The following CADM1 variants were observed in gnomAD, a reference collection of about 807,000 sequenced individuals.
The protein encoded by CADM1 is cell adhesion molecule 1, also known as TSLC-1.
Under a neutral mutation model 53.1 loss-of-function variants are expected in CADM1, and 15 were observed. The ratio of observed to expected loss-of-function variants is 0.28; its 90% confidence interval spans 0.19 to 0.44. CADM1 has a LOEUF of 0.44. Ranked by LOEUF, CADM1 falls within the 20% of genes least tolerant of loss-of-function variation. The pLI is 1.00. For synonymous variants in CADM1, 281 were observed against 243.0 expected (o/e 1.16, Z -1.45); for missense variants, 434 against 611.3 (o/e 0.71, Z 3.06).
At chr11:115,455,893 C>A (rs1948673900) in intron 1 of CADM1, among the ~76,000 whole-genome samples, 1 of 152,108 alleles carries the variant, frequency 6.6e-6, no homozygotes, top group African/African-American at 2.4e-5. Context: ...CAATAACTGG[C>A]GGGATCCAGA....
chr11:115,401,808 C>T (rs919577635), intron 1 of CADM1, among the ~76,000 whole-genome samples: 29 of 152,070 alleles, frequency 1.9e-4, no homozygotes, highest in Admixed American at 1.6e-3. Flanking sequence ...TGGGTGATAA[C>T]GGTGTGTCAG....
At chr11:115,438,869 G>A (rs991070949) in intron 1 of CADM1, among the ~76,000 whole-genome samples, 5 of 152,020 alleles carry the variant, frequency 3.3e-5, no homozygotes, top group African/African-American at 9.7e-5. Context: ...TATATTAACC[G>A]AGAAGCTATC....
intron 1 of CADM1, among the ~76,000 whole-genome samples, chr11:115,416,790 G>A (rs1947610856): frequency 6.6e-6 from 1 of 151,778 alleles, no homozygotes; most frequent in Non-Finnish European, 1.5e-5. Flanking sequence ...GACATGACCA[G>A]CTAGTAAAAA....
At chr11:115,255,561 T>C (rs1213292165) in intron 1 of CADM1, among the ~76,000 whole-genome samples, 1 of 152,178 alleles carries the variant, frequency 6.6e-6, no homozygotes, top group Non-Finnish European at 1.5e-5. Context: ...ATCACAGTCA[T>C]AAACACAAGA....
chr11:115,292,551 G>A (rs1174884620), intron 1 of CADM1, among the ~76,000 whole-genome samples: 1 of 152,142 alleles, frequency 6.6e-6, no homozygotes, highest in Admixed American at 6.5e-5. Context: ...TTTCAAATTA[G>A]TAATAATTAA....
intron 1 of CADM1, among the ~76,000 whole-genome samples, chr11:115,284,114 C>CTCTCTCTCTCTGTG (rs1351842329): frequency 8.1e-5 from 8 of 98,690 alleles, no homozygotes; most frequent in African/African-American, 2.3e-4. Flanking sequence ...CTCTCTCTCT[C>CTCTCTCTCTCTGTG]TGTGTGTGTG....
At chr11:115,494,342 T>C (rs755801700) in intron 1 of CADM1, among the ~76,000 whole-genome samples, 7 of 152,138 alleles carry the variant, frequency 4.6e-5, no homozygotes, top group Non-Finnish European at 8.8e-5. Flanking sequence ...GATACTCAAT[T>C]TTAAAGTCAT....
At chr11:115,396,812 T>C (rs888370559) in intron 1 of CADM1, 4 of 152,064 alleles carry the variant, frequency 2.6e-5, no homozygotes, top group Non-Finnish European at 5.9e-5. Context: ...ATACTAAACA[T>C]TACTGGCCAA....
intron 1 of CADM1, among the ~76,000 whole-genome samples, chr11:115,258,380 C>T (rs1286348545): frequency 6.6e-6 from 1 of 152,166 alleles, no homozygotes. Flanking sequence ...AAGGTTACTG[C>T]CAGCAGATGC....
chr11:115,502,449 A>G (rs1949749805), intron 1 of CADM1, among the ~76,000 whole-genome samples: 1 of 148,540 alleles, frequency 6.7e-6, no homozygotes, highest in Admixed American at 6.9e-5. Flanking sequence ...GCTTTTTACA[A>G]TGCAGCAGCA....
intron 1 of CADM1, among the ~76,000 whole-genome samples, chr11:115,418,420 A>G (rs1412294443): frequency 6.6e-6 from 1 of 152,202 alleles, no homozygotes; most frequent in Admixed American, 6.5e-5. Context: ...AGAGATAAAT[A>G]TCAAACTACT....
At chr11:115,374,598 G>C (rs535190318) in intron 1 of CADM1, among the ~76,000 whole-genome samples, 1 of 152,002 alleles carries the variant, frequency 6.6e-6, no homozygotes, top group East Asian at 1.9e-4. Context: ...ATACAAAAAG[G>C]TACAGACATT....
At chr11:115,229,306 T>C (rs1254795450) in intron 4 of CADM1, 35 bp from the exon 5 acceptor site, 4 of 1,611,050 alleles carry the variant, frequency 2.5e-6, no homozygotes, top group Middle Eastern at 1.6e-4. Flanking sequence ...ACACCAGAGT[T>C]GGGTGAATTT....
chr11:115,229,356 C>A, intron 4 of CADM1, 85 bp from the exon 5 acceptor site: 1 of 1,225,552 alleles, frequency 8.2e-7, no homozygotes, highest in Non-Finnish European at 1.2e-6. Context: ...TGTCCTCTAA[C>A]CCCAACATTG....
intron 3 of CADM1, among the ~76,000 whole-genome samples, chr11:115,237,798 T>G (rs1172303275): frequency 6.6e-6 from 1 of 152,202 alleles, no homozygotes; most frequent in East Asian, 1.9e-4. Context: ...ATATTAAAAT[T>G]GAACATGGAA....
intron 1 of CADM1, among the ~76,000 whole-genome samples, chr11:115,425,695 G>A (rs1342019600): frequency 6.6e-6 from 1 of 152,174 alleles, no homozygotes. Flanking sequence ...TAAAAGATAA[G>A]CCACAATAAT....
intron 1 of CADM1, among the ~76,000 whole-genome samples, chr11:115,405,794 A>C (rs546717345): frequency 7.2e-5 from 11 of 152,294 alleles, no homozygotes; most frequent in African/African-American, 2.6e-4. Flanking sequence ...TACACCCTAC[A>C]GACAAACATG....
chr11:115,391,578 A>G (rs1946837567), intron 1 of CADM1, among the ~76,000 whole-genome samples: 1 of 152,190 alleles, frequency 6.6e-6, no homozygotes. Context: ...CGGGAGGGAG[A>G]GAGGAATCCA....
chr11:115,323,144 G>A (rs772976736), intron 1 of CADM1, among the ~76,000 whole-genome samples: 4 of 152,086 alleles, frequency 2.6e-5, no homozygotes, highest in Non-Finnish European at 5.9e-5. Context: ...GGTCTGAAGT[G>A]GTACTTCACT....
Sources: gnomAD v4.1 joint callset for allele counts (sites outside exome capture counted in the v4.1 genomes callset) on GRCh38, gnomAD v4.1.1 for gene constraint, MANE v1.5 for transcripts, NCBI Gene and HGNC (gene_info 2026-07-23, HGNC 2026-07-21) for gene names.